APBA1: variants seen among roughly 807,000 people sequenced by gnomAD.
APBA1 encodes the protein amyloid-beta A4 precursor protein-binding family A member 1.
APBA1 carries 55 observed loss-of-function variants against 86.6 expected under a neutral mutation model. That is an observed-to-expected ratio of 0.64 (90% CI 0.51 to 0.80). The LOEUF (loss-of-function observed/expected upper bound fraction) is 0.80. APBA1 is among the 30% of genes least tolerant of loss of function. The pLI is 0.00. For synonymous variants in APBA1, 511 were observed against 493.9 expected, an observed-to-expected ratio of 1.03 and a Z score of -0.46; for missense variants, 1,090 against 1,183.0, an observed-to-expected ratio of 0.92 and a Z score of 1.15.
intron 2 of APBA1, among the ~76,000 whole-genome samples, chr9:69,512,346 A>C (rs1836063716): frequency 6.6e-6 from 1 of 152,172 alleles, no homozygotes; most frequent in Non-Finnish European, 1.5e-5. Context: ...CAGCAAACAA[A>C]TGCCAGTTTG....
At chr9:69,578,387 A>G (rs749195603) in intron 1 of APBA1, among the ~76,000 whole-genome samples, 23 of 152,174 alleles carry the variant, frequency 1.5e-4, no homozygotes, top group Non-Finnish European at 2.8e-4. Flanking sequence ...ATCTAGGGTC[A>G]AGATTTCAAT....
chr9:69,641,225 A>G (rs999320264), intron 1 of APBA1, among the ~76,000 whole-genome samples: 10 of 152,006 alleles, frequency 6.6e-5, no homozygotes, highest in African/African-American at 2.4e-4. Context: ...CATACTTAGG[A>G]AAAAAAACAT....
intron 1 of APBA1, among the ~76,000 whole-genome samples, chr9:69,573,135 C>T (rs979626553): frequency 1.3e-5 from 2 of 151,798 alleles, no homozygotes; most frequent in East Asian, 3.9e-4. Flanking sequence ...ACTCCAGCCT[C>T]GCGACAGAGC....
At chr9:69,612,751 T>C (rs1197092912) in intron 1 of APBA1, among the ~76,000 whole-genome samples, 1 of 152,044 alleles carries the variant, frequency 6.6e-6, no homozygotes, top group African/African-American at 2.4e-5. Context: ...ACTATGTTCT[T>C]TATTGAGAAA....
At chr9:69,436,563 T>C (rs1347717257) in intron 11 of APBA1, among the ~76,000 whole-genome samples, 2 of 103,360 alleles carry the variant, frequency 1.9e-5, no homozygotes, top group Non-Finnish European at 4.0e-5. Flanking sequence ...AGTTCACTCA[T>C]GATTTGGCTC....
chr9:69,481,416 A>G (rs1423094917), intron 2 of APBA1, among the ~76,000 whole-genome samples: 1 of 152,112 alleles, frequency 6.6e-6, no homozygotes, highest in Non-Finnish European at 1.5e-5. Context: ...CTTACAAGGG[A>G]TATGAAGGAC....
At chr9:69,451,134 G>A (rs1004250789) in intron 9 of APBA1, among the ~76,000 whole-genome samples, 1 of 152,198 alleles carries the variant, frequency 6.6e-6, no homozygotes, top group Admixed American at 6.5e-5. Flanking sequence ...AGGCTTGCCA[G>A]CTCCCTCGCT....
intron 1 of APBA1, among the ~76,000 whole-genome samples, chr9:69,640,585 A>G (rs1036719848): frequency 2.0e-5 from 3 of 152,102 alleles, no homozygotes; most frequent in Non-Finnish European, 2.9e-5. Context: ...AATGTTATAT[A>G]TATTACATAA....
chr9:69,634,527 T>TGG (rs1823116116), intron 1 of APBA1, among the ~76,000 whole-genome samples: 1 of 151,700 alleles, frequency 6.6e-6, no homozygotes, highest in Admixed American at 6.6e-5. Flanking sequence ...AAATAGGAGG[T>TGG]AGAGAGAGAG....
intron 2 of APBA1, among the ~76,000 whole-genome samples, chr9:69,488,091 G>A (rs890401050): frequency 6.6e-6 from 1 of 152,104 alleles, no homozygotes; most frequent in African/African-American, 2.4e-5. Flanking sequence ...AAACTGGCGG[G>A]GTTGCACTGG....
intron 1 of APBA1, among the ~76,000 whole-genome samples, chr9:69,549,940 C>A (rs1425413141): frequency 6.6e-6 from 1 of 152,174 alleles, no homozygotes; most frequent in Non-Finnish European, 1.5e-5. Context: ...GGCACAGAAT[C>A]TGGAGTCTGG....
chr9:69,584,389 ATATC>A (rs1821978245), intron 1 of APBA1, among the ~76,000 whole-genome samples: 1 of 152,220 alleles, frequency 6.6e-6, no homozygotes, highest in African/African-American at 2.4e-5. Flanking sequence ...AGCAGTCAAC[ATATC>A]TATCCTCTAT....
At chr9:69,647,112 G>T (rs1387429899) in intron 1 of APBA1, among the ~76,000 whole-genome samples, 2 of 152,136 alleles carry the variant, frequency 1.3e-5, no homozygotes, top group African/African-American at 4.8e-5. Context: ...CTTAATAACA[G>T]CAATATAAAA....
At chr9:69,587,721 T>C (rs1162774824) in intron 1 of APBA1, among the ~76,000 whole-genome samples, 1 of 151,778 alleles carries the variant, frequency 6.6e-6, no homozygotes, top group Non-Finnish European at 1.5e-5. Flanking sequence ...CCAGAAAAAA[T>C]AAAAGAATGT....
intron 5 of APBA1, chr9:69,460,607 A>T (rs1392672625): frequency 6.6e-6 from 1 of 152,072 alleles, no homozygotes; most frequent in African/African-American, 2.4e-5. Flanking sequence ...GATTTGAAAT[A>T]ACTCTTTCAA....
intron 1 of APBA1, among the ~76,000 whole-genome samples, chr9:69,628,152 C>A (rs1822970129): frequency 6.6e-6 from 1 of 152,114 alleles, no homozygotes; most frequent in South Asian, 2.1e-4. Flanking sequence ...TAGGTAGACT[C>A]CTGTCTACAG....
chr9:69,477,073 G>C (rs1484517633), intron 2 of APBA1, among the ~76,000 whole-genome samples: 1 of 152,234 alleles, frequency 6.6e-6, no homozygotes, highest in Non-Finnish European at 1.5e-5. Flanking sequence ...ATCCTCAGGT[G>C]AGCCACAGAG....
intron 1 of APBA1, among the ~76,000 whole-genome samples, chr9:69,661,904 C>T (rs1290333140): frequency 6.6e-6 from 1 of 151,946 alleles, no homozygotes; most frequent in Admixed American, 6.6e-5. Context: ...ATGCAGCTGC[C>T]TGGTCTTAAA....
At chr9:69,515,364 C>T (rs1014468673) in intron 2 of APBA1, among the ~76,000 whole-genome samples, 2 of 152,098 alleles carry the variant, frequency 1.3e-5, no homozygotes, top group African/African-American at 4.8e-5. Flanking sequence ...ACGCTGGTCT[C>T]AGGTGGAAAC....
Sources: allele counts gnomAD v4.1 joint callset (sites outside exome capture counted in the v4.1 genomes callset), GRCh38; gene constraint gnomAD v4.1.1; transcripts MANE v1.5; gene names NCBI Gene and HGNC (gene_info 2026-07-23, HGNC 2026-07-21).